OPTC: variants seen among roughly 807,000 people sequenced by gnomAD.
The protein encoded by OPTC is opticin, also known as oculoglycan.
In OPTC, 22 loss-of-function variants were observed where a neutral mutation model predicts 25.4. That is an observed-to-expected ratio of 0.87 (90% CI 0.62 to 1.24). OPTC has a LOEUF of 1.24. Among genes scored for constraint, OPTC ranks in the 50% most tolerant of loss-of-function variants. The probability of loss-of-function intolerance (pLI) is 0.00; values close to 1 mark genes in which losing one functional copy is unlikely to be tolerated. For synonymous variants in OPTC, 169 were observed against 179.3 expected (o/e 0.94, Z 0.46); for missense variants, 417 against 425.2 (o/e 0.98, Z 0.17).
Position 203,503,028 on chromosome 1 carries a change from A to G in OPTC, c.828+19A>G. On this transcript the variant is annotated intron_variant, in intron 6 of 7. Coordinates refer to ENST00000367222, the MANE Select transcript of OPTC (RefSeq NM_014359.4). ...CCTGCAGGTAAGGAGCACCACCCAG[A>G]GCAAGGGTGATAAACAGCGTGGAGG... The G allele has an allele frequency of 6.3e-7, 1 of 1,586,324 alleles. No individual in the cohort carries two copies. Among genetic ancestry groups the G allele is most frequent in the Non-Finnish European group, 8.7e-7 (1 of 1,155,502 alleles).
Position 203,499,862 on chromosome 1 carries a change from G to T in OPTC, c.732+11G>T. On this transcript the variant is annotated intron_variant, in intron 5 of 7. Transcript: ENST00000367222. ...CCTGCAGCCTTCAGGGTGAGTCAAG[G>T]CCTTAGATCCACTATCTATCACCTC... 6.2e-7 allele frequency: 1 copy of T among 1,607,130 alleles called. No homozygotes were observed. Among genetic ancestry groups the T allele is most frequent in the South Asian group, 1.1e-5 (1 of 91,006 alleles).
Position 203,502,917 on chromosome 1 carries a change from A to G in OPTC, c.736A>G (p.Met246Val), listed in dbSNP as rs755417362. Reference protein sequence around the residue: ...SGIQPAAFRAMEKLQFLYLSD... With the variant: ...SGIQPAAFRAVEKLQFLYLSD... Reference sequence around the variant, plus strand: ...ACACTCTTTGCTTTCTCCACAGGCAATGGAGAAGCTGCAGTTCCTTTACCT... The same window carrying G: ...ACACTCTTTGCTTTCTCCACAGGCAGTGGAGAAGCTGCAGTTCCTTTACCT... Residue 246 changes from methionine (M) to valine (V), a missense_variant, in exon 6 of 8, where the codon ATG (methionine) becomes GTG (valine). Coordinates refer to ENST00000367222, the MANE Select transcript of OPTC (RefSeq NM_014359.4). The G allele has an allele frequency of 3.7e-6, 6 of 1,613,152 alleles. No individual in the cohort carries two copies. The highest frequency in any genetic ancestry group is 1.7e-5 in the Admixed American group (1 of 60,014).
intron 3 of OPTC, among the ~76,000 whole-genome samples, chr1:203,498,018 G>A (rs1661307254): frequency 6.6e-6 from 1 of 152,180 alleles, no homozygotes; most frequent in South Asian, 2.1e-4. Context: ...GTGATAGCAA[G>A]TGACAGAAAC....
In OPTC at chr1:203,496,299, C is replaced by T. The variant is rs1448361056; in HGVS notation, c.231+63C>T. The stretch of plus-strand genomic sequence containing the variant: ...ACACTGGGAGTCAGAGGCCAGGGCC[C>T]TCCCATCTGCCCCAAAGTGCGGGTG... On this transcript the variant is annotated intron_variant, in intron 2 of 7. Transcript: ENST00000367222. 1.9e-5 allele frequency: 24 copies of T among 1,232,888 alleles called. No homozygotes were observed. The East Asian group carries it at 4.9e-4, about 25-fold the overall frequency. The allele number at this position is 1,232,888 out of a possible 1,614,324, so 76.4% of individuals were successfully genotyped here. A position where few individuals can be genotyped will look rare whatever the true frequency, so the allele number is the denominator to read the frequency against.
intron 1 of OPTC, among the ~76,000 whole-genome samples, chr1:203,494,684 A>G (rs1252331285): frequency 6.6e-6 from 1 of 152,154 alleles, no homozygotes; most frequent in Non-Finnish European, 1.5e-5. Context: ...AAGATAAAAA[A>G]AATTTTAAAA....
chr1:203,502,744 A>G (rs761171237), intron 5 of OPTC, among the ~76,000 whole-genome samples, 170 bp from the exon 6 acceptor site: 2 of 152,284 alleles, frequency 1.3e-5, no homozygotes, highest in East Asian at 3.9e-4. Flanking sequence ...TAAGATCCTT[A>G]AAGACCTGGG....
chr1:203,496,906 TC>T, intron 2 of OPTC, 70 bp from the exon 3 acceptor site: 2 of 1,529,674 alleles, frequency 1.3e-6, no homozygotes, highest in Non-Finnish European at 1.8e-6. Context: ...TCACTGAGGT[TC>T]CCAGAGTCCA....
At chr1:203,504,299 A>G (rs968135675) in intron 7 of OPTC, among the ~76,000 whole-genome samples, 15 of 152,224 alleles carry the variant, frequency 9.9e-5, no homozygotes, top group African/African-American at 3.6e-4. Flanking sequence ...TTAGTTTACT[A>G]TATTTCACTA....
chr1:203,496,882 T>C, intron 2 of OPTC, 95 bp from the exon 3 acceptor site: 1 of 1,320,822 alleles, frequency 7.6e-7, no homozygotes, highest in South Asian at 1.2e-5. Flanking sequence ...GACTCTTTGC[T>C]GGTTTGAAAT....
chr1:203,499,680 C>T lies in OPTC; in HGVS notation c.561C>T (p.Asn187=). 4 of 1,613,660 alleles carry T rather than the reference C, an allele frequency of 2.5e-6. No individual in the cohort carries two copies. Among genetic ancestry groups the T allele is most frequent in the Non-Finnish European group, 2.5e-6 (3 of 1,179,952 alleles). ...TKLKRIDLSN[N]LISSIDNDAF... is the part of the protein sequence containing the mutation. Reference sequence around the variant, plus strand: ...TGAAGAGGATTGACCTCTCCAACAACCTCATTTCCTCCATCGATAATGATG... The same window carrying T: ...TGAAGAGGATTGACCTCTCCAACAATCTCATTTCCTCCATCGATAATGATG... The change falls in exon 5 of 8, where the codon AAC becomes AAT. Residue 187 remains asparagine, a synonymous_variant. Transcript: ENST00000367222.
At chr1:203,504,433 A>G (rs1661444345) in intron 7 of OPTC, among the ~76,000 whole-genome samples, 1 of 152,150 alleles carries the variant, frequency 6.6e-6, no homozygotes, top group Non-Finnish European at 1.5e-5. Context: ...GTGGTTTAAA[A>G]TGGGCCATGG....
intron 5 of OPTC, among the ~76,000 whole-genome samples, chr1:203,502,313 T>G (rs1382155770): frequency 6.6e-6 from 1 of 152,128 alleles, no homozygotes; most frequent in Non-Finnish European, 1.5e-5. Flanking sequence ...TCTGGCTGTC[T>G]CCCGAGTGTC....
Position 203,496,002 on chromosome 1 carries a change from C to A in OPTC, c.-4C>A. The A allele has an allele frequency of 1.2e-6, 2 of 1,606,726 alleles. No individual in the cohort carries two copies. The highest frequency in any genetic ancestry group is 1.7e-6 in the Non-Finnish European group (2 of 1,175,438). ...AAGGGATTCTCAGTCCCATCTGACT[C>A]CCCATGAGGCTCCTGGCTTTCCTGA... On this transcript the variant is annotated 5_prime_UTR_variant, in exon 2 of 8. Coordinates refer to ENST00000367222, the MANE Select transcript of OPTC (RefSeq NM_014359.4).
At chr1:203,505,772 A>G (rs577950893) in intron 7 of OPTC, among the ~76,000 whole-genome samples, 54 of 152,250 alleles carry the variant, frequency 3.5e-4, no homozygotes, top group African/African-American at 1.3e-3. Flanking sequence ...CAGGGAATCT[A>G]GGATTCCAGC....
In OPTC at chr1:203,503,587, G is replaced by A; in HGVS notation, c.866G>A (p.Cys289Tyr). The A allele has an allele frequency of 6.2e-7, 1 of 1,613,710 alleles. No individual in the cohort carries two copies. Among genetic ancestry groups the A allele is most frequent in the Non-Finnish European group, 8.5e-7 (1 of 1,180,032 alleles). Residue 289 changes from cysteine (C) to tyrosine (Y), a missense_variant, in exon 7 of 8, where the codon TGT becomes TAT. Physicochemically the swap from Cys to Tyr is radical, Grantham distance 194. Transcript: ENST00000367222. ...GAGACCATGCAGAGAGACGTCTTCTGTGACCCCGAGGAGCACAAACACACC... is the reference window on the plus strand; with the variant it reads ...GAGACCATGCAGAGAGACGTCTTCTATGACCCCGAGGAGCACAAACACACC... The part of the protein sequence containing the change: ...LIETMQRDVF[C>Y]DPEEHKHTRR...
In OPTC at chr1:203,497,103, C is replaced by T. The variant is rs372256499; in HGVS notation, c.358C>T (p.Gln120Ter). Residue 120 changes from glutamine (Q) to a stop codon, truncating the protein, a stop_gained, in exon 3 of 8, where the codon CAG (glutamine) becomes TAG (stop). Coordinates refer to ENST00000367222, the MANE Select transcript of OPTC (RefSeq NM_014359.4). LOFTEE classifies it high-confidence loss of function. The part of the protein sequence containing the change: ...PTTAGLLLSS[Q>*]PNHGLPTCLV... ...TACAGCAGGGCTGCTACTGAGTTCC[C>T]AGCCCAACCATGGTAAGTGCACAGT... The T allele has an allele frequency of 1.1e-5, 17 of 1,613,882 alleles. No homozygotes were observed. Among genetic ancestry groups the T allele is most frequent in the African/African-American group, 1.3e-5 (1 of 74,888 alleles).
chr1:203,502,671 T>C (rs1466041089), intron 5 of OPTC, among the ~76,000 whole-genome samples: 2 of 152,216 alleles, frequency 1.3e-5, no homozygotes, highest in Non-Finnish European at 2.9e-5. Context: ...TCTTTCCTAC[T>C]TCAGTGGCTG....
At chr1:203,495,169 T>C (rs140648968) in intron 1 of OPTC, among the ~76,000 whole-genome samples, 2 of 152,298 alleles carry the variant, frequency 1.3e-5, no homozygotes, top group Non-Finnish European at 2.9e-5. Flanking sequence ...TGGAACTCAA[T>C]AGACACCCAT....
intron 7 of OPTC, among the ~76,000 whole-genome samples, chr1:203,508,276 C>T (rs1661529758): frequency 6.6e-6 from 1 of 152,126 alleles, no homozygotes; most frequent in East Asian, 1.9e-4. Flanking sequence ...AGCAAGGACT[C>T]GGGAGGGCAT....
Sources: allele counts gnomAD v4.1 joint callset (sites outside exome capture counted in the v4.1 genomes callset), GRCh38; gene constraint gnomAD v4.1.1; transcripts MANE v1.5; gene names NCBI Gene and HGNC (gene_info 2026-07-23, HGNC 2026-07-21).